The following TRMT2B variants were observed in gnomAD, a reference collection of about 807,000 sequenced individuals.
TRMT2B encodes tRNA methyltransferase 2B, also known as tRNA (uracil-5-)-methyltransferase homolog B.
In TRMT2B, 34 loss-of-function variants were observed where a neutral mutation model predicts 39.7. That is an observed-to-expected ratio of 0.86 (90% confidence interval 0.65 to 1.14). TRMT2B has a LOEUF of 1.14. Ranked by LOEUF, TRMT2B falls within the 50% of genes most tolerant of loss-of-function variation. The pLI is 0.00. For synonymous variants in TRMT2B, 132 were observed against 137.3 expected, an observed-to-expected ratio of 0.96 and a Z score of 0.27; for missense variants, 318 against 377.2, an observed-to-expected ratio of 0.84 and a Z score of 1.30.
the TRMT2B span, among the ~76,000 whole-genome samples, chrX:100,998,259 CAAAA>C: frequency 4.1e-5 from 2 of 48,714 alleles, no homozygotes; most frequent in Admixed American, 2.8e-4. Flanking sequence ...GACTCCATCT[CAAAA>C]AAAAAAAAAA....
intron 4 of TRMT2B, among the ~76,000 whole-genome samples, chrX:101,041,073 G>A (rs1052477861): frequency 2.7e-5 from 3 of 111,177 alleles, no homozygotes; most frequent in Non-Finnish European, 5.6e-5. Context: ...GCATGGTGGC[G>A]CACGCTTGTA....
At chrX:100,985,884 C>A in the TRMT2B span, 1 of 1,207,981 alleles carries the variant, frequency 8.3e-7, no homozygotes, top group Non-Finnish European at 1.1e-6. Context: ...ATCTGCTGTC[C>A]GATAAAAGAG....
At chrX:101,027,486 C>T (rs1002808039) in intron 7 of TRMT2B, among the ~76,000 whole-genome samples, 2 of 109,496 alleles carry the variant, frequency 1.8e-5, no homozygotes, top group Non-Finnish European at 3.8e-5. Flanking sequence ...TTGTGATCCG[C>T]CCACCTTGGC....
At chrX:100,982,052 G>C in the TRMT2B span, among the ~76,000 whole-genome samples, 1 of 110,423 alleles carries the variant, frequency 9.1e-6, no homozygotes, top group Non-Finnish European at 1.9e-5. Flanking sequence ...CCAACCACTG[G>C]CACAAGCAGG....
chrX:101,021,255 G>A lies in TRMT2B; in HGVS notation c.912C>T (p.Tyr304=). 1 of 1,211,947 alleles carries A rather than the reference G, an allele frequency of 8.3e-7. No individual in the cohort carries two copies. The highest frequency in any genetic ancestry group is 1.1e-6 in the Non-Finnish European group (1 of 895,492). The stretch of plus-strand genomic sequence containing the variant: ...TCAAGCTCAGAAGTTCTTCAAAGAT[G>A]TAGGGTTCCCCAAACAGAAGCTGAT... ...SPYQLLFGEP[Y]IFEELLSLKI... Residue 304 remains tyrosine (Y), a synonymous_variant, in exon 10 of 14, where the codon TAC becomes TAT. Coordinates refer to ENST00000372936, the MANE Select transcript of TRMT2B (RefSeq NM_024917.6).
At chrX:100,993,007 A>C in the TRMT2B span, among the ~76,000 whole-genome samples, 6 of 112,269 alleles carry the variant, frequency 5.3e-5, no homozygotes, top group Non-Finnish European at 1.1e-4. Flanking sequence ...CTGACACTGT[A>C]GATGGTTGCA....
At chrX:100,988,543 G>T in the TRMT2B span, 116 of 1,085,277 alleles carry the variant, frequency 1.1e-4, no homozygotes, top group Admixed American at 1.8e-4. Context: ...ATATGCTGAT[G>T]ACAATATTTT....
At chrX:101,026,992 T>G (rs982634535) in intron 7 of TRMT2B, among the ~76,000 whole-genome samples, 1 of 111,449 alleles carries the variant, frequency 9.0e-6, no homozygotes, top group African/African-American at 3.3e-5. Flanking sequence ...TCACAAGAAC[T>G]GAACCTATTC....
chrX:101,034,351 A>C (rs1467468629), intron 7 of TRMT2B, among the ~76,000 whole-genome samples: 2 of 107,843 alleles, frequency 1.9e-5, no homozygotes, highest in Non-Finnish European at 3.8e-5. Flanking sequence ...CATGTTGGCC[A>C]GGCTGGTCTC....
the TRMT2B span, among the ~76,000 whole-genome samples, chrX:100,991,229 T>G: frequency 8.9e-6 from 1 of 111,819 alleles, no homozygotes. Context: ...TTGAGTGTCA[T>G]GTCAGGACTC....
At chrX:101,031,041 A>G (rs2087428568) in intron 7 of TRMT2B, among the ~76,000 whole-genome samples, 1 of 109,413 alleles carries the variant, frequency 9.1e-6, no homozygotes, top group Middle Eastern at 4.2e-3. Flanking sequence ...GCATCATCTC[A>G]GCTCACTGCA....
chrX:101,019,978 T>C lies in TRMT2B; in HGVS notation c.1168+509A>G, dbSNP rs768138794. ...TAGCATGCAAGGACCTATACCAAGA[T>C]GAGAACCTTGACTTTTGCTCAAGTG... is the stretch of plus-strand genomic sequence containing the variant. On this transcript the variant is annotated intron_variant, in intron 11 of 13. Transcript: ENST00000372936. Among the ~76,000 whole-genome samples the C allele has an allele frequency of 1.4e-4, 16 of 111,053 alleles. No individual in the cohort carries two copies. In the South Asian group the frequency reaches 6.1e-3, roughly 42 times the overall value.
rs939369244 is a variant in TRMT2B at position 101,052,052 on chromosome X, C to T, written c.-742G>A. 9.0e-6 allele frequency: 1 copy of T among 111,217 alleles called. No individual in the cohort carries two copies. Among genetic ancestry groups the T allele is most frequent in the African/African-American group, 3.3e-5 (1 of 30,559 alleles). 9.2% of individuals were successfully genotyped at this position (111,217 alleles called of 1,213,427 possible). ...TGGGGGAACCTTCTATGGAGACCTT[C>T]CTTAAAAGCACTCATAGCCCTGACA... On this transcript the variant is annotated 5_prime_UTR_variant, in exon 1 of 14. Coordinates refer to ENST00000372936, the MANE Select transcript of TRMT2B (RefSeq NM_024917.6).
In TRMT2B at chrX:101,051,268, T is replaced by C. The variant is rs2089074453; in HGVS notation, c.-41A>G. 2.3e-5 allele frequency: 17 copies of C among 753,116 alleles called. No individual in the cohort carries two copies. Among genetic ancestry groups the C allele is most frequent in the Non-Finnish European group, 2.7e-5 (17 of 638,965 alleles). The allele number at this position is 753,116 out of a possible 1,213,427, so 62.1% of individuals were successfully genotyped here. On this transcript the variant is annotated 5_prime_UTR_variant, in exon 2 of 14. Transcript: ENST00000372936. ...GGTCTCACCTGCGCAGGGCCAAGGA[T>C]CCCTTTTGGAGCAAAATGTTCACCC...
chrX:101,005,907 AAGAG>A (rs1663630504), downstream of TRMT2B, among the ~76,000 whole-genome samples: 3 of 100,830 alleles, frequency 3.0e-5, no homozygotes, highest in Non-Finnish European at 6.0e-5. Context: ...AAAAAAAAGA[AAGAG>A]AGAAAAGAAA....
At chrX:101,013,973 G>C (rs1421143988) in intron 13 of TRMT2B, among the ~76,000 whole-genome samples, 1 of 110,289 alleles carries the variant, frequency 9.1e-6, no homozygotes, top group East Asian at 2.9e-4. Flanking sequence ...TATAGTCCCA[G>C]CTACTTAGGA....
At chrX:101,029,955 T>C (rs960163281) in intron 7 of TRMT2B, among the ~76,000 whole-genome samples, 2 of 111,667 alleles carry the variant, frequency 1.8e-5, no homozygotes, top group African/African-American at 6.5e-5. Context: ...CTAAAAAGTC[T>C]AGATGCAAAA....
chrX:101,023,407 C>A (rs2086892751), intron 8 of TRMT2B, 63 bp downstream of exon 8: 1 of 1,137,711 alleles, frequency 8.8e-7, no homozygotes, highest in Non-Finnish European at 1.2e-6. Context: ...TTCCAAAAAA[C>A]CAATTACAGT....
the TRMT2B span, among the ~76,000 whole-genome samples, chrX:100,981,850 A>G: frequency 9.4e-6 from 1 of 106,200 alleles, no homozygotes; most frequent in Admixed American, 1.1e-4. Context: ...AGGTACTGTG[A>G]TCGCTCACCT....
Sources: allele counts gnomAD v4.1 joint callset (sites outside exome capture counted in the v4.1 genomes callset), GRCh38; gene constraint gnomAD v4.1.1; transcripts MANE v1.5; gene names NCBI Gene and HGNC (gene_info 2026-07-23, HGNC 2026-07-21).